The following MAML1 variants were observed in gnomAD, a reference collection of about 807,000 sequenced individuals.
The protein encoded by MAML1 is mastermind like transcriptional coactivator 1, also known as mastermind-like protein 1.
MAML1 carries 14 observed loss-of-function variants against 77.1 expected under a neutral mutation model. The observed-to-expected ratio is 0.18, with a 90% CI of 0.12 to 0.28. The LOEUF (loss-of-function observed/expected upper bound fraction) is 0.28. MAML1 is among the 10% of genes least tolerant of loss of function. The pLI, the probability that MAML1 is intolerant of heterozygous loss-of-function variation, is 1.00. For synonymous variants in MAML1, 516 were observed against 551.9 expected (o/e 0.93, Z 0.91); for missense variants, 1,217 against 1,327.8 (o/e 0.92, Z 1.30).
At chr5:179,749,328 G>A (rs1354614691) in intron 1 of MAML1, among the ~76,000 whole-genome samples, 2 of 152,190 alleles carry the variant, frequency 1.3e-5, no homozygotes, top group African/African-American at 4.8e-5. Context: ...ATTTCTCCAC[G>A]TTGGTCAGGC....
At chr5:179,759,603 C>T (rs1007656558) in intron 1 of MAML1, among the ~76,000 whole-genome samples, 3 of 152,164 alleles carry the variant, frequency 2.0e-5, no homozygotes, top group African/African-American at 7.2e-5. Flanking sequence ...TGAAATGGAC[C>T]TACTTTACCT....
Position 179,774,642 on chromosome 5 carries a change from G to C in MAML1, c.2816G>C (p.Gly939Ala), listed in dbSNP as rs776163566. 5.0e-6 allele frequency: 8 copies of C among 1,611,054 alleles called. No homozygotes were observed. In the Admixed American group the frequency reaches 1.3e-4, roughly 27 times the overall value. Reference sequence around the variant, plus strand: ...CTGAGCCCAGCAGGGCCTGAGCTGGGGGCCTTCAGCCAGAGCCCTGCCTCA... The same window carrying C: ...CTGAGCCCAGCAGGGCCTGAGCTGGCGGCCTTCAGCCAGAGCCCTGCCTCA... Reference protein sequence around the residue: ...PGLSPAGPELGAFSQSPASQM... With the variant: ...PGLSPAGPELAAFSQSPASQM... Residue 939 changes from glycine (G) to alanine (A), a missense_variant, in exon 5 of 5, where the codon GGG becomes GCG. By Grantham distance (60) the Gly-to-Ala change is moderately conservative. Coordinates refer to ENST00000292599, the MANE Select transcript of MAML1 (RefSeq NM_014757.5).
chr5:179,766,071 C>T lies in MAML1; in HGVS notation c.1061C>T (p.Pro354Leu), dbSNP rs1350056606. ...ACCTTATTCCACACCTCTGGTCAGC[C>T]CCGGGCGGACAATCCCAGTCCAAAC... ...SQTLFHTSGQPRADNPSPNLM... is the reference protein window; with the variant it reads ...SQTLFHTSGQLRADNPSPNLM... Residue 354 changes from proline to leucine, a missense_variant, in exon 2 of 5, where the codon CCC becomes CTC. Pro to Leu is a moderately conservative substitution (Grantham distance 98). Around this residue, in one of 3 missense-constraint regions of MAML1, gnomAD observed 884 missense variants for 949.3 expected, o/e 0.93. Coordinates refer to ENST00000292599, the MANE Select transcript of MAML1 (RefSeq NM_014757.5). This position sits in a 1 kb window ranked among gnomAD's most constrained non-coding sequence, Gnocchi z 4.0. 3 of 1,587,668 alleles carry T rather than the reference C, an allele frequency of 1.9e-6. No individual in the cohort carries two copies. In the Admixed American group the frequency reaches 5.4e-5, roughly 29 times the overall value.
Position 179,776,131 on chromosome 5 carries a change from GAGCACTTCCCCGTAACGAA to G in MAML1, c.*1259_*1277del. 1.0e-6 allele frequency: 1 copy of G among 985,928 alleles called. No individual in the cohort carries two copies. The highest frequency in any genetic ancestry group is 4.7e-5 in the South Asian group (1 of 21,290). The allele number at this position is 985,928 out of a possible 1,614,324, so 61.1% of individuals were successfully genotyped here. On this transcript the variant is annotated 3_prime_UTR_variant, in exon 5 of 5. Coordinates refer to ENST00000292599, the MANE Select transcript of MAML1 (RefSeq NM_014757.5). Reference sequence around the variant, plus strand: ...TGTTTTTGGAAAACGAAGATGGAGAGAGCACTTCCCCGTAACGAAAGCAAAGTGGTAAGCACAGGGTGAG... The same window carrying G: ...TGTTTTTGGAAAACGAAGATGGAGAGAGCAAAGTGGTAAGCACAGGGTGAG...
chr5:179,739,084 T>C (rs1779227895), intron 1 of MAML1, among the ~76,000 whole-genome samples: 1 of 152,222 alleles, frequency 6.6e-6, no homozygotes, highest in African/African-American at 2.4e-5. Flanking sequence ...GCAGCAAATA[T>C]TTGAGCACCT....
At position 179,766,835 on chromosome 5, in the gene MAML1, T is replaced by G; in HGVS notation, c.1731+94T>G. On this transcript the variant is annotated intron_variant, in intron 2 of 4. Coordinates refer to ENST00000292599, the MANE Select transcript of MAML1 (RefSeq NM_014757.5). This position sits in a 1 kb window ranked among gnomAD's most constrained non-coding sequence, Gnocchi z 4.0. ...ATGTTAATTGGATCCGAGGTAGTTG[T>G]GGGAAGAGGGAGGAGGGAATAGCTG... The G allele has an allele frequency of 9.4e-7, 1 of 1,058,826 alleles. No homozygotes were observed. Among genetic ancestry groups the G allele is most frequent in the East Asian group, 2.7e-5 (1 of 37,688 alleles). 65.6% of individuals were successfully genotyped at this position (1,058,826 alleles called of 1,614,324 possible). A position where few individuals can be genotyped will look rare whatever the true frequency, so the allele number is the denominator to read the frequency against.
chr5:179,735,006 A>G (rs1370141445), intron 1 of MAML1, among the ~76,000 whole-genome samples: 2 of 152,130 alleles, frequency 1.3e-5, no homozygotes, highest in Non-Finnish European at 2.9e-5. Flanking sequence ...AATAAAAAGA[A>G]ATGAGTGTGG....
At chr5:179,752,184 G>A (rs1421218375) in intron 1 of MAML1, among the ~76,000 whole-genome samples, 1 of 151,136 alleles carries the variant, frequency 6.6e-6, no homozygotes, top group Non-Finnish European at 1.5e-5. Flanking sequence ...AAATTAGCTG[G>A]GTGTGGTGGC....
chr5:179,739,273 T>C (rs1779232256), intron 1 of MAML1, among the ~76,000 whole-genome samples: 1 of 152,092 alleles, frequency 6.6e-6, no homozygotes, highest in Non-Finnish European at 1.5e-5. Flanking sequence ...TCTCAGAACT[T>C]TTGGGAAGCT....
rs1779616193 is a variant in MAML1 at position 179,756,348 on chromosome 5, C to A, written c.316-8978C>A. Reference sequence around the variant, plus strand: ...GCTGAGGCGGGGGAGTGGCGTCAACCTGGGAGGCCGAGCTTGCAGTTAGCT... The same window carrying A: ...GCTGAGGCGGGGGAGTGGCGTCAACATGGGAGGCCGAGCTTGCAGTTAGCT... On this transcript the variant is annotated intron_variant, in intron 1 of 4. Coordinates refer to ENST00000292599, the MANE Select transcript of MAML1 (RefSeq NM_014757.5). 2.0e-5 allele frequency among the ~76,000 whole-genome samples: 3 copies of A among 151,080 alleles called. No homozygotes were observed. The South Asian group carries it at 6.3e-4, about 32-fold the overall frequency.
Position 179,776,604 on chromosome 5 carries a change from G to A in MAML1, c.*1727G>A. 1 of 985,652 alleles carries A rather than the reference G, an allele frequency of 1.0e-6. No homozygotes were observed. Among genetic ancestry groups the A allele is most frequent in the Non-Finnish European group, 1.2e-6 (1 of 829,964 alleles). 61.1% of individuals were successfully genotyped at this position (985,652 alleles called of 1,614,324 possible). ...ACCCTCTGAGGGAGTTCCCCAATCT[G>A]AAGGGGAAGAGGGTGACCTCAGCGG... On this transcript the variant is annotated 3_prime_UTR_variant, in exon 5 of 5. Transcript: ENST00000292599.
chr5:179,739,182 G>GA (rs35551218), intron 1 of MAML1, among the ~76,000 whole-genome samples: 1 of 151,354 alleles, frequency 6.6e-6, no homozygotes, highest in South Asian at 2.1e-4. Flanking sequence ...ATATTTTTTG[G>GA]AAAAAAAAGT....
At chr5:179,740,478 G>A (rs527595957) in intron 1 of MAML1, among the ~76,000 whole-genome samples, 15 of 151,884 alleles carry the variant, frequency 9.9e-5, no homozygotes, top group African/African-American at 1.4e-4. Context: ...GGGTTTCACC[G>A]TGTTAGCCAG....
chr5:179,743,786 TATTAA>T (rs1389288953), intron 1 of MAML1, among the ~76,000 whole-genome samples: 2 of 152,206 alleles, frequency 1.3e-5, no homozygotes, highest in African/African-American at 2.4e-5. Flanking sequence ...AATTCAATTT[TATTAA>T]ATTAAATATA....
At chr5:179,736,829 C>T (rs1002545124) in intron 1 of MAML1, among the ~76,000 whole-genome samples, 4 of 151,846 alleles carry the variant, frequency 2.6e-5, no homozygotes, top group African/African-American at 7.3e-5. Flanking sequence ...GGGCATGTGG[C>T]GTGCGCCTGT....
intron 1 of MAML1, among the ~76,000 whole-genome samples, chr5:179,735,024 A>G (rs930377082): frequency 6.6e-6 from 1 of 152,116 alleles, no homozygotes; most frequent in Non-Finnish European, 1.5e-5. Context: ...TGGACATGAA[A>G]ATACAGTATT....
chr5:179,766,423 T>C lies in MAML1; in HGVS notation c.1413T>C (p.Asn471=). The C allele has an allele frequency of 1.9e-6, 3 of 1,612,952 alleles. No individual in the cohort carries two copies. Among genetic ancestry groups the C allele is most frequent in the Non-Finnish European group, 2.5e-6 (3 of 1,179,482 alleles). Residue 471 remains asparagine, a synonymous_variant, in exon 2 of 5, where the codon AAT becomes AAC. Transcript: ENST00000292599. The surrounding 1 kb of genome is among the most constrained non-coding windows in gnomAD (Gnocchi z 4.0). ...NSKLLMMPSV[N]KSSPRPGGPY... ...AACTGCTCATGATGCCTAGTGTGAA[T>C]AAGAGTTCCCCTCGGCCCGGAGGCC...
chr5:179,763,534 C>T (rs1779758776), intron 1 of MAML1, among the ~76,000 whole-genome samples: 2 of 151,970 alleles, frequency 1.3e-5, no homozygotes, highest in African/African-American at 4.8e-5. Flanking sequence ...ATTTATAGAG[C>T]ACTGTGTAGT....
intron 1 of MAML1, among the ~76,000 whole-genome samples, chr5:179,759,098 G>A (rs554760947): frequency 3.3e-5 from 5 of 152,244 alleles, no homozygotes; most frequent in East Asian, 3.9e-4. Context: ...GGGTATCTGC[G>A]CTTCACGAAG....
Sources: gnomAD v4.1 joint callset for allele counts (sites outside exome capture counted in the v4.1 genomes callset) on GRCh38, gnomAD v4.1.1 for gene constraint, gnomAD v4.1.1 regional missense constraint, Gnocchi (gnomAD v3.1) non-coding constraint, MANE v1.5 for transcripts, NCBI Gene and HGNC (gene_info 2026-07-23, HGNC 2026-07-21) for gene names.